The following HS6ST3 variants were observed in gnomAD, a reference collection of about 807,000 sequenced individuals.
HS6ST3 encodes heparan-sulfate 6-O-sulfotransferase 3.
HS6ST3 carries 12 observed loss-of-function variants against 36.7 expected under a neutral mutation model. The observed-to-expected ratio is 0.33, with a 90% confidence interval of 0.21 to 0.53. The LOEUF (loss-of-function observed/expected upper bound fraction) is 0.53, where lower values mean the gene tolerates loss of function less well. Ranked by LOEUF, HS6ST3 falls within the 20% of genes least tolerant of loss-of-function variation. The pLI, the probability that HS6ST3 is intolerant of heterozygous loss-of-function variation, is 0.95. For synonymous variants in HS6ST3, 240 were observed against 257.5 expected, an observed-to-expected ratio of 0.93 and a Z score of 0.65; for missense variants, 584 against 640.9, an observed-to-expected ratio of 0.91 and a Z score of 0.96.
intron 1 of HS6ST3, among the ~76,000 whole-genome samples, chr13:96,269,212 T>C (rs2054707581): frequency 6.6e-6 from 1 of 152,034 alleles, no homozygotes; most frequent in Non-Finnish European, 1.5e-5. Flanking sequence ...CAAAGTTTTA[T>C]GGTTTTATGG....
At chr13:96,707,470 A>G (rs1333141341) in intron 1 of HS6ST3, among the ~76,000 whole-genome samples, 1 of 152,250 alleles carries the variant, frequency 6.6e-6, no homozygotes, top group Non-Finnish European at 1.5e-5. Flanking sequence ...AATCTCTATC[A>G]GTATCTCTAG....
chr13:96,391,850 T>C (rs924322675), intron 1 of HS6ST3, among the ~76,000 whole-genome samples: 3 of 152,304 alleles, frequency 2.0e-5, no homozygotes, highest in East Asian at 1.9e-4. Flanking sequence ...GTGGGAGTTA[T>C]TCTCTGAGAT....
intron 1 of HS6ST3, among the ~76,000 whole-genome samples, chr13:96,568,634 A>G (rs2056290334): frequency 6.6e-6 from 1 of 152,214 alleles, no homozygotes; most frequent in Admixed American, 6.5e-5. Flanking sequence ...TCAGACCATA[A>G]TGAACATAAT....
At chr13:96,604,158 C>T (rs1229838609) in intron 1 of HS6ST3, among the ~76,000 whole-genome samples, 1 of 152,116 alleles carries the variant, frequency 6.6e-6, no homozygotes, top group African/African-American at 2.4e-5. Context: ...CTATAAACGG[C>T]CATCTGCTCT....
chr13:96,242,384 T>C (rs2054565127), intron 1 of HS6ST3, among the ~76,000 whole-genome samples: 1 of 151,886 alleles, frequency 6.6e-6, no homozygotes, highest in Admixed American at 6.6e-5. Flanking sequence ...TCCTGGATAA[T>C]TTTTTGTCTT....
rs186653208 is a variant in HS6ST3, at chr13:96,370,879, C to T, written c.707+279310C>T. On this transcript the variant is annotated intron_variant, in intron 1 of 1. Transcript: ENST00000376705. ...TGCCATTGCACTCCAGCCTGGGTGA[C>T]GGAGCGAGACACCGTATCAAAGAAT... 1.5e-3 allele frequency among the ~76,000 whole-genome samples: 234 copies of T among 152,070 alleles called. 2 individuals carry two copies. Among genetic ancestry groups the T allele is most frequent in the South Asian group, 0.014 (69 of 4,822 alleles).
chr13:96,385,763 C>T (rs1393751998), intron 1 of HS6ST3, among the ~76,000 whole-genome samples: 1 of 152,070 alleles, frequency 6.6e-6, no homozygotes, highest in Non-Finnish European at 1.5e-5. Flanking sequence ...AATAAGAATT[C>T]TTTTTTGAGT....
chr13:96,767,634 GACA>G (rs1877150939), intron 1 of HS6ST3, among the ~76,000 whole-genome samples: 1 of 152,170 alleles, frequency 6.6e-6, no homozygotes, highest in Admixed American at 6.5e-5. Context: ...TACAGAATTT[GACA>G]ACATTTCTGT....
intron 1 of HS6ST3, among the ~76,000 whole-genome samples, chr13:96,146,974 A>G (rs2054061137): frequency 6.6e-6 from 1 of 152,202 alleles, no homozygotes; most frequent in Non-Finnish European, 1.5e-5. Flanking sequence ...TAAACACAGG[A>G]AAGTTTATTG....
At chr13:96,324,995 T>C (rs9556562) in intron 1 of HS6ST3, among the ~76,000 whole-genome samples, 79,241 of 151,960 alleles carry the variant, frequency 0.52, 21,148 homozygotes, top group Middle Eastern at 0.63. Flanking sequence ...CATTTTAGGA[T>C]GGACAATTTG....
intron 1 of HS6ST3, among the ~76,000 whole-genome samples, chr13:96,699,973 A>G (rs1470080431): frequency 6.6e-6 from 1 of 152,220 alleles, no homozygotes; most frequent in Admixed American, 6.5e-5. Flanking sequence ...TTTCATTTCT[A>G]CTGAGTGATG....
chr13:96,593,174 C>CTTTTTTTTTTTTTTTTT (rs35380296), intron 1 of HS6ST3, among the ~76,000 whole-genome samples: 1 of 46,602 alleles, frequency 2.1e-5, no homozygotes, highest in Non-Finnish European at 3.5e-5. Context: ...TTCTTTCTTT[C>CTTTTTTTTTTTTTTTTT]TTTTTTTTTT....
chr13:96,307,048 G>C (rs577546577), intron 1 of HS6ST3, among the ~76,000 whole-genome samples: 2 of 152,202 alleles, frequency 1.3e-5, no homozygotes, highest in East Asian at 3.9e-4. Flanking sequence ...TTTAATAGCA[G>C]TATGACCCCC....
chr13:96,710,961 A>C lies in HS6ST3; in HGVS notation c.708-121529A>C, dbSNP rs1453178677. The stretch of plus-strand genomic sequence containing the variant: ...ACTGGATTAATCATGTTGATATTAG[A>C]ATAGCACATTTCTCTCAGACTTCTT... On this transcript the variant is annotated intron_variant, in intron 1 of 1. Transcript: ENST00000376705. Among the ~76,000 whole-genome samples, 3 of 152,248 alleles carry C rather than the reference A, an allele frequency of 2.0e-5. No homozygotes were observed. The South Asian group carries it at 6.2e-4, about 31-fold the overall frequency.
At chr13:96,106,979 T>G (rs2053844631) in intron 1 of HS6ST3, among the ~76,000 whole-genome samples, 1 of 152,240 alleles carries the variant, frequency 6.6e-6, no homozygotes, top group Non-Finnish European at 1.5e-5. Flanking sequence ...TCAGTAACAT[T>G]TAACTGTTCG....
chr13:96,256,194 C>G (rs1035656656), intron 1 of HS6ST3, among the ~76,000 whole-genome samples: 1 of 152,112 alleles, frequency 6.6e-6, no homozygotes, highest in Non-Finnish European at 1.5e-5. Flanking sequence ...GATATATGGT[C>G]ACTGCAATTG....
At position 96,317,326 on chromosome 13, in the gene HS6ST3, TTATATATATATATATATATA is replaced by T. The variant is rs537839404; in HGVS notation, c.707+225780_707+225799del. 7.6e-4 allele frequency among the ~76,000 whole-genome samples: 74 copies of T among 96,946 alleles called. 1 individual carries two copies. The highest frequency in any genetic ancestry group is 1.7e-3 in the South Asian group (5 of 2,896). 63.6% of individuals were successfully genotyped at this position (96,946 alleles called of 152,430 possible). ...CTTTTTATGGCTGTGTAGTATTCCATTATATATATATATATATATATATATATATATATATATATATAAAA... is the reference window on the plus strand; with the variant it reads ...CTTTTTATGGCTGTGTAGTATTCCATTATATATATATATATATATATAAAA... On this transcript the variant is annotated intron_variant, in intron 1 of 1. Transcript: ENST00000376705.
intron 1 of HS6ST3, among the ~76,000 whole-genome samples, chr13:96,278,454 G>A (rs558178416): frequency 6.6e-6 from 1 of 152,230 alleles, no homozygotes; most frequent in East Asian, 1.9e-4. Context: ...AAAATGATTG[G>A]CACTCGGTAA....
intron 1 of HS6ST3, among the ~76,000 whole-genome samples, chr13:96,351,436 T>C (rs2139431129): frequency 6.6e-6 from 1 of 151,876 alleles, no homozygotes; most frequent in Non-Finnish European, 1.5e-5. Flanking sequence ...ATCAGCCTCC[T>C]GAGAAGCTGG....
Sources: allele counts gnomAD v4.1 joint callset (sites outside exome capture counted in the v4.1 genomes callset), GRCh38; gene constraint gnomAD v4.1.1; transcripts MANE v1.5; gene names NCBI Gene and HGNC (gene_info 2026-07-23, HGNC 2026-07-21).